The following KCNK2 variants were observed in gnomAD, a reference collection of about 807,000 sequenced individuals.
The protein encoded by KCNK2 is potassium channel subfamily K member 2.
Under a neutral mutation model 40.5 loss-of-function variants are expected in KCNK2, and 21 were observed. The observed-to-expected ratio is 0.52, with a 90% CI of 0.37 to 0.75. The LOEUF (loss-of-function observed/expected upper bound fraction) is 0.75, where lower values mean the gene tolerates loss of function less well. Among genes scored for constraint, KCNK2 ranks in the 30% least tolerant of loss-of-function variants. KCNK2 has a pLI of 0.00. For missense variants in KCNK2, 399 were observed against 531.6 expected (o/e 0.75, Z 2.45); for synonymous variants, 191 against 202.2 (o/e 0.94, Z 0.47).
chr1:215,222,351 G>T (rs1156839027), intron 6 of KCNK2, among the ~76,000 whole-genome samples: 4 of 152,168 alleles, frequency 2.6e-5, no homozygotes, highest in Non-Finnish European at 5.9e-5. Context: ...AGGATGCTCA[G>T]TGATATGATG....
At chr1:215,111,058 C>T (rs1316800527) in intron 2 of KCNK2, among the ~76,000 whole-genome samples, 1 of 152,126 alleles carries the variant, frequency 6.6e-6, no homozygotes, top group African/African-American at 2.4e-5. Context: ...TTTGCTTTTT[C>T]AGAATGTCAT....
At chr1:215,113,683 C>T (rs1473139539) in intron 2 of KCNK2, among the ~76,000 whole-genome samples, 1 of 152,174 alleles carries the variant, frequency 6.6e-6, no homozygotes, top group Non-Finnish European at 1.5e-5. Flanking sequence ...GCAACCTCCT[C>T]CTCCCAGGTT....
At position 215,083,755 on chromosome 1, in the gene KCNK2, C is replaced by T. The variant is rs139507431; in HGVS notation, c.46+324C>T. ...CGGCAGGCAGGACTCATGGTGACCCCGGTCACACTTGTTGCCCATTGCCTG... is the reference window on the plus strand; with the variant it reads ...CGGCAGGCAGGACTCATGGTGACCCTGGTCACACTTGTTGCCCATTGCCTG... On this transcript the variant is annotated intron_variant, in intron 1 of 6. Transcript: ENST00000444842. 2,206 of 438,252 alleles carry T rather than the reference C, an allele frequency of 5.0e-3. 11 individuals carry two copies. The highest frequency in any genetic ancestry group is 7.4e-3 in the Non-Finnish European group (1,786 of 240,066). The allele number at this position is 438,252 out of a possible 1,614,324, so 27.1% of individuals were successfully genotyped here.
intron 2 of KCNK2, among the ~76,000 whole-genome samples, chr1:215,104,314 A>T (rs1223529393): frequency 6.6e-6 from 1 of 151,858 alleles, no homozygotes; most frequent in African/African-American, 2.4e-5. Context: ...CCTCCTCCTA[A>T]TGTCCCCTTT....
At position 215,236,974 on chromosome 1, in the gene KCNK2, T is replaced by C. The variant is rs1666924464; in HGVS notation, c.*1829T>C. On this transcript the variant is annotated 3_prime_UTR_variant, in exon 7 of 7. Coordinates refer to ENST00000444842, the MANE Select transcript of KCNK2 (RefSeq NM_001017425.3). ...CCAAAATTTTAGAAAGTCAGGCTCT[T>C]TTAGAAAGAAAGCTACACCCATTTC... 1 of 152,580 alleles carries C rather than the reference T, an allele frequency of 6.6e-6. No individual in the cohort carries two copies. The allele number at this position is 152,580 out of a possible 1,614,324, so 9.5% of individuals were successfully genotyped here. A position where few individuals can be genotyped will look rare whatever the true frequency, so the allele number is the denominator to read the frequency against.
intron 6 of KCNK2, among the ~76,000 whole-genome samples, chr1:215,231,267 T>C (rs1232429067): frequency 6.6e-6 from 1 of 152,196 alleles, no homozygotes; most frequent in African/African-American, 2.4e-5. Flanking sequence ...GCAAAGGTTA[T>C]ACCTAAGTGT....
intron 3 of KCNK2, among the ~76,000 whole-genome samples, chr1:215,127,028 A>T (rs1344107624): frequency 6.6e-6 from 1 of 152,232 alleles, no homozygotes; most frequent in African/African-American, 2.4e-5. Flanking sequence ...AAGTATAATT[A>T]ATAATATTGC....
chr1:215,087,454 C>T (rs1371410042), intron 2 of KCNK2, among the ~76,000 whole-genome samples: 1 of 152,204 alleles, frequency 6.6e-6, no homozygotes, highest in Non-Finnish European at 1.5e-5. Context: ...CAGTTAGGCT[C>T]TTTAGAGATG....
chr1:215,009,575 A>G (rs1233381828), intron 1 of KCNK2, among the ~76,000 whole-genome samples: 1 of 152,044 alleles, frequency 6.6e-6, no homozygotes, highest in Non-Finnish European at 1.5e-5. Flanking sequence ...ATGGTTATGG[A>G]GTAATGAGAC....
intron 1 of KCNK2, among the ~76,000 whole-genome samples, chr1:215,039,364 C>CA (rs978509653): frequency 6.6e-6 from 1 of 152,074 alleles, no homozygotes; most frequent in Non-Finnish European, 1.5e-5. Context: ...TCAGAGAAGC[C>CA]ACTGAGTTAT....
chr1:215,177,745 T>A (rs1664046733), intron 5 of KCNK2, among the ~76,000 whole-genome samples: 2 of 145,408 alleles, frequency 1.4e-5, no homozygotes, highest in South Asian at 2.1e-4. Flanking sequence ...TATATATTTT[T>A]TTTTTTTGTA....
intron 3 of KCNK2, among the ~76,000 whole-genome samples, chr1:215,142,018 T>C (rs975037174): frequency 2.6e-5 from 4 of 152,112 alleles, no homozygotes; most frequent in African/African-American, 7.2e-5. Context: ...ATTACTTTTT[T>C]TCTGTAATTC....
At chr1:215,209,459 AT>A (rs372882181) in intron 6 of KCNK2, among the ~76,000 whole-genome samples, 15 of 22,144 alleles carry the variant, frequency 6.8e-4, no homozygotes, top group South Asian at 3.6e-3. Flanking sequence ...TATATTATAT[AT>A]TATATATAAT....
intron 1 of KCNK2, among the ~76,000 whole-genome samples, chr1:215,012,577 T>C (rs1465708273): frequency 6.6e-6 from 1 of 151,628 alleles, no homozygotes; most frequent in Non-Finnish European, 1.5e-5. Context: ...GCTCAAGTGA[T>C]CCTCCTGCCT....
At chr1:215,147,412 AC>A (rs1241775495) in intron 3 of KCNK2, among the ~76,000 whole-genome samples, 2 of 152,340 alleles carry the variant, frequency 1.3e-5, no homozygotes, top group South Asian at 2.1e-4. Context: ...TCTAAAATGA[AC>A]AGATCTTTTC....
intron 1 of KCNK2, among the ~76,000 whole-genome samples, chr1:215,054,593 C>A (rs1345782061): frequency 6.6e-6 from 1 of 152,166 alleles, no homozygotes. Flanking sequence ...CAGGAAAGCA[C>A]CAACCGTGAG....
chr1:215,139,009 T>C (rs1463309135), intron 3 of KCNK2, among the ~76,000 whole-genome samples: 1 of 152,226 alleles, frequency 6.6e-6, no homozygotes, highest in Non-Finnish European at 1.5e-5. Flanking sequence ...ACTTTGGGCA[T>C]ACAAATAGTG....
chr1:215,207,202 G>A (rs1036425674), intron 6 of KCNK2, among the ~76,000 whole-genome samples: 2 of 152,112 alleles, frequency 1.3e-5, no homozygotes, highest in South Asian at 2.1e-4. Context: ...GATCCAGGCC[G>A]CACAGCAGGA....
intron 1 of KCNK2, among the ~76,000 whole-genome samples, chr1:215,031,843 A>G (rs532916582): frequency 6.6e-6 from 1 of 152,048 alleles, no homozygotes; most frequent in African/African-American, 2.4e-5. Context: ...TATATTTCTT[A>G]TTTTACTTTT....
Sources: gnomAD v4.1 joint callset for allele counts (sites outside exome capture counted in the v4.1 genomes callset) on GRCh38, gnomAD v4.1.1 for gene constraint, MANE v1.5 for transcripts, NCBI Gene and HGNC (gene_info 2026-07-23, HGNC 2026-07-21) for gene names.